Variants in SLC38A11 observed in about 807,000 individuals in gnomAD.
SLC38A11 encodes the protein solute carrier family 38 member 11, also known as putative sodium-coupled neutral amino acid transporter 11.
SLC38A11 carries 51 observed loss-of-function variants against 49.4 expected under a neutral mutation model. The ratio of observed to expected loss-of-function variants is 1.03; its 90% CI spans 0.83 to 1.30. The LOEUF is 1.30. SLC38A11 is among the 50% of genes most tolerant of loss of function. The pLI, the probability that SLC38A11 is intolerant of heterozygous loss-of-function variation, is 0.00. For missense variants in SLC38A11, 574 were observed against 556.2 expected (o/e 1.03, Z -0.32); for synonymous variants, 203 against 192.9 (o/e 1.05, Z -0.43).
intron 11 of SLC38A11, chr2:164,908,128 G>A (rs1030865719): frequency 6.6e-6 from 1 of 152,094 alleles, no homozygotes; most frequent in African/African-American, 2.4e-5. Context: ...AAGAAATTTT[G>A]TCATAGCAAG....
chr2:164,903,398 T>G (rs1470319811), intron 11 of SLC38A11, among the ~76,000 whole-genome samples: 2 of 152,180 alleles, frequency 1.3e-5, no homozygotes, highest in African/African-American at 4.8e-5. Context: ...GGTGTTCTAT[T>G]TATGTTATAA....
chr2:164,947,599 CAT>C (rs1347302737), intron 3 of SLC38A11, among the ~76,000 whole-genome samples: 6 of 152,122 alleles, frequency 3.9e-5, no homozygotes, highest in Non-Finnish European at 8.8e-5. Context: ...TTGAAGATCT[CAT>C]AGGCATCTTA....
intron 5 of SLC38A11, among the ~76,000 whole-genome samples, chr2:164,943,426 A>G (rs1183220239): frequency 6.6e-6 from 1 of 152,232 alleles, no homozygotes; most frequent in African/African-American, 2.4e-5. Context: ...AAAAGAGCAA[A>G]CTACTGATAT....
intron 7 of SLC38A11, among the ~76,000 whole-genome samples, chr2:164,917,824 AT>A (rs869032356): frequency 6.6e-6 from 1 of 151,894 alleles, no homozygotes; most frequent in Non-Finnish European, 1.5e-5. Context: ...TTCCATTTAA[AT>A]TTTTTCCCTG....
Position 164,911,725 on chromosome 2 carries a change from T to C in SLC38A11, c.874A>G (p.Arg292Gly), listed in dbSNP as rs752544459. Residue 292 changes from arginine (R) to glycine (G), a missense_variant, in exon 10 of 12, where the codon AGA becomes GGA. Transcript: ENST00000685975. ...TQGDLFENYC[R>G]NDDLVTFGRF... The stretch of plus-strand genomic sequence containing the variant: ...CCAAATGTTACCAGGTCATCATTTC[T>C]GCAGTAATTTTCAAATAAGTCCCCT... 4 of 1,603,440 alleles carry C rather than the reference T, an allele frequency of 2.5e-6. No homozygotes were observed. The highest frequency in any genetic ancestry group is 2.6e-6 in the Non-Finnish European group (3 of 1,174,480).
rs186120905 is a variant in SLC38A11, at chr2:164,952,925, A to T, written c.155-144T>A. The T allele has an allele frequency of 1.4e-3, 868 of 638,756 alleles. 7 individuals are homozygous for T. In the East Asian group the frequency reaches 0.021, roughly 16 times the overall value. The allele number at this position is 638,756 out of a possible 1,614,324, so 39.6% of individuals were successfully genotyped here. ...ATTTGTAAGTTGCACATAGGACAGA[A>T]TTAATATTAAATGTTAGGTATTAAT... On this transcript the variant is annotated intron_variant, in intron 2 of 11. Coordinates refer to ENST00000685975, the MANE Select transcript of SLC38A11 (RefSeq NM_001351537.2).
intron 3 of SLC38A11, among the ~76,000 whole-genome samples, chr2:164,946,352 G>A (rs140268081): frequency 0.013 from 1,928 of 152,148 alleles, 20 homozygotes; most frequent in Non-Finnish European, 0.02. Context: ...CAGATCTCGA[G>A]GTCAGGAGAT....
chr2:164,920,486 A>C (rs945301964), intron 7 of SLC38A11, among the ~76,000 whole-genome samples: 1 of 152,164 alleles, frequency 6.6e-6, no homozygotes, highest in African/African-American at 2.4e-5. Context: ...AAATGCTACT[A>C]AAGAAATTTA....
rs1684437963 is a variant in SLC38A11 at position 164,898,375 on chromosome 2, C to G, written c.*62G>C. The G allele has an allele frequency of 3.3e-6, 4 of 1,222,186 alleles. No homozygotes were observed. The East Asian group carries it at 9.7e-5, about 30-fold the overall frequency. 75.7% of individuals were successfully genotyped at this position (1,222,186 alleles called of 1,614,324 possible). On this transcript the variant is annotated 3_prime_UTR_variant, in exon 12 of 12. Transcript: ENST00000685975. Reference sequence around the variant, plus strand: ...TATATAACATAAATACAGACTAAAGCAAGCGTAAATGTTATGTGTTTTAAA... The same window carrying G: ...TATATAACATAAATACAGACTAAAGGAAGCGTAAATGTTATGTGTTTTAAA...
At chr2:164,915,459 G>A in intron 8 of SLC38A11, 186 bp from the exon 9 acceptor site, 1 of 535,226 alleles carries the variant, frequency 1.9e-6, no homozygotes, top group East Asian at 3.1e-5. Flanking sequence ...TTCACATCAG[G>A]CTTATGTGGT....
At chr2:164,911,827 T>C in intron 9 of SLC38A11, 79 bp from the exon 10 acceptor site, 7 of 702,288 alleles carry the variant, frequency 1.0e-5, no homozygotes, top group Non-Finnish European at 1.6e-5. Flanking sequence ...AAATATTAGA[T>C]ATTACAGTTA....
intron 5 of SLC38A11, among the ~76,000 whole-genome samples, chr2:164,940,389 A>G (rs1318138837): frequency 6.6e-6 from 1 of 151,168 alleles, no homozygotes; most frequent in Non-Finnish European, 1.5e-5. Flanking sequence ...GGAGCTATAT[A>G]TCTATTTCAA....
chr2:164,908,769 TA>T lies in SLC38A11; in HGVS notation c.965del (p.Val322GlufsTer19). The stretch of plus-strand genomic sequence containing the variant: ...TCCCACCAAAAAACACATTGGCAAT[TA>T]CCTGCCGAATAAACAGATTATTTTG... ...YPMECFVTRE[V>X]IANVFFGGNL... On this transcript the variant is annotated frameshift_variant and splice_region_variant, in exon 11 of 12. Transcript: ENST00000685975. LOFTEE classifies it high-confidence loss of function. 1 of 1,607,460 alleles carries T rather than the reference TA, an allele frequency of 6.2e-7. No homozygotes were observed. Among genetic ancestry groups the T allele is most frequent in the Non-Finnish European group, 8.5e-7 (1 of 1,176,612 alleles).
chr2:164,955,199 C>T lies in SLC38A11; in HGVS notation c.39+10G>A. ...ACTGGCTTCAGAACCTGCCTAGTCG[C>T]TAGTTTTACCTGCGGCGGGATGACA... On this transcript the variant is annotated intron_variant, in intron 1 of 11. Coordinates refer to ENST00000685975, the MANE Select transcript of SLC38A11 (RefSeq NM_001351537.2). The T allele has an allele frequency of 6.5e-7, 1 of 1,550,010 alleles. No homozygotes were observed. Among genetic ancestry groups the T allele is most frequent in the South Asian group, 1.2e-5 (1 of 84,056 alleles).
At chr2:164,939,323 G>T in intron 6 of SLC38A11, 127 bp downstream of exon 6, 1 of 546,226 alleles carries the variant, frequency 1.8e-6, no homozygotes, top group Non-Finnish European at 3.3e-6. Context: ...GTTCACTCTA[G>T]CATCACCATT....
intron 3 of SLC38A11, among the ~76,000 whole-genome samples, chr2:164,951,840 C>T (rs1346658644): frequency 6.6e-6 from 1 of 152,080 alleles, no homozygotes; most frequent in Non-Finnish European, 1.5e-5. Flanking sequence ...ACATTGGTCC[C>T]CGTGGAGGCA....
chr2:164,924,117 A>T (rs920353208), intron 7 of SLC38A11, among the ~76,000 whole-genome samples: 1 of 152,230 alleles, frequency 6.6e-6, no homozygotes, highest in African/African-American at 2.4e-5. Flanking sequence ...CATATACACC[A>T]TGAAATCCTA....
At chr2:164,902,819 A>T (rs1385864771) in intron 11 of SLC38A11, among the ~76,000 whole-genome samples, 1 of 152,100 alleles carries the variant, frequency 6.6e-6, no homozygotes. Flanking sequence ...AAAGAATAGT[A>T]GGGACCACAC....
At position 164,915,958 on chromosome 2, in the gene SLC38A11, G is replaced by A. The variant is rs369753536; in HGVS notation, c.633C>T (p.Asp211=). The A allele has an allele frequency of 8.2e-6, 13 of 1,591,972 alleles. No individual in the cohort carries two copies. Among genetic ancestry groups the A allele is most frequent in the Non-Finnish European group, 9.5e-6 (11 of 1,163,646 alleles). ...SLGPHIPKTE[D]AWVFAKPNAI... Reference sequence around the variant, plus strand: ...CATTGGGCTTTGCAAATACCCAAGCGTCTTCTGTTTTTGGTCTAGAAGAAA... The same window carrying A: ...CATTGGGCTTTGCAAATACCCAAGCATCTTCTGTTTTTGGTCTAGAAGAAA... The change falls in exon 8 of 12, where the codon GAC becomes GAT. Residue 211 remains aspartate, a synonymous_variant. Coordinates refer to ENST00000685975, the MANE Select transcript of SLC38A11 (RefSeq NM_001351537.2).
Sources: gnomAD v4.1 joint callset for allele counts (sites outside exome capture counted in the v4.1 genomes callset) on GRCh38, gnomAD v4.1.1 for gene constraint, MANE v1.5 for transcripts, NCBI Gene and HGNC (gene_info 2026-07-23, HGNC 2026-07-21) for gene names.